LGSN: variants seen among roughly 807,000 people sequenced by gnomAD.
LGSN encodes the protein lengsin.
A neutral mutation model predicts 19.5 loss-of-function variants in LGSN; 21 were observed. That is an observed-to-expected ratio of 1.07 (90% CI 0.76 to 1.55). LGSN has a LOEUF of 1.55. Among genes scored for constraint, LGSN ranks in the 40% most tolerant of loss-of-function variants. The probability of loss-of-function intolerance (pLI) is 0.00; values close to 1 mark genes in which losing one functional copy is unlikely to be tolerated. For missense variants in LGSN, 673 were observed against 608.5 expected (o/e 1.11, Z -1.12); for synonymous variants, 257 against 215.6 (o/e 1.19, Z -1.68).
the LGSN span, among the ~76,000 whole-genome samples, chr6:63,485,193 T>C: frequency 2.0e-5 from 3 of 152,106 alleles, 1 homozygote; most frequent in South Asian, 6.2e-4. Context: ...TCCCACCCTC[T>C]ACCCTCCAAT....
chr6:63,498,917 T>C, the LGSN span, among the ~76,000 whole-genome samples: 3 of 152,240 alleles, frequency 2.0e-5, no homozygotes, highest in South Asian at 2.1e-4. Context: ...CATTTGGTAC[T>C]TACCTGAGCT....
At chr6:63,413,009 A>G in the LGSN span, among the ~76,000 whole-genome samples, 1 of 152,120 alleles carries the variant, frequency 6.6e-6, no homozygotes, top group Non-Finnish European at 1.5e-5. Flanking sequence ...TGATCATAAA[A>G]TCATGTGCTA....
chr6:63,468,402 A>G, the LGSN span, among the ~76,000 whole-genome samples: 1 of 152,048 alleles, frequency 6.6e-6, no homozygotes, highest in Non-Finnish European at 1.5e-5. Flanking sequence ...TGCTGGGATT[A>G]CAGGCATGAG....
the LGSN span, among the ~76,000 whole-genome samples, chr6:63,536,596 T>C: frequency 9.2e-5 from 14 of 152,212 alleles, no homozygotes; most frequent in African/African-American, 3.4e-4. Context: ...TGTTTTAAAA[T>C]TGATGTATGA....
chr6:63,510,817 G>A, the LGSN span, among the ~76,000 whole-genome samples: 4 of 151,812 alleles, frequency 2.6e-5, no homozygotes, highest in Non-Finnish European at 5.9e-5. Context: ...GGGACAACAG[G>A]CGCATGTCAC....
chr6:63,464,887 A>G, the LGSN span, among the ~76,000 whole-genome samples: 1 of 151,812 alleles, frequency 6.6e-6, no homozygotes, highest in Non-Finnish European at 1.5e-5. Flanking sequence ...GTAGCTAGGC[A>G]TGGTGGTGGG....
the LGSN span, among the ~76,000 whole-genome samples, chr6:63,468,427 CTATTTATG>C: frequency 6.6e-6 from 1 of 151,888 alleles, no homozygotes; most frequent in East Asian, 1.9e-4. Context: ...TGCGCCCAGC[CTATTTATG>C]TATTTATTTT....
chr6:63,415,546 A>G, the LGSN span, among the ~76,000 whole-genome samples: 1 of 152,188 alleles, frequency 6.6e-6, no homozygotes, highest in Non-Finnish European at 1.5e-5. Context: ...ATAAGAACTC[A>G]CTATCATGAG....
the LGSN span, among the ~76,000 whole-genome samples, chr6:63,432,790 A>T: frequency 1.1e-4 from 16 of 152,266 alleles, no homozygotes; most frequent in African/African-American, 3.9e-4. Context: ...AACCCAAAAG[A>T]TTACTGAATA....
the LGSN span, chr6:63,571,879 A>C: frequency 1.3e-5 from 2 of 152,238 alleles, no homozygotes; most frequent in African/African-American, 4.8e-5. Flanking sequence ...CCCCAGGGAC[A>C]AGAATTCATC....
At chr6:63,366,521 A>T in the LGSN span, among the ~76,000 whole-genome samples, 1 of 152,252 alleles carries the variant, frequency 6.6e-6, no homozygotes, top group Admixed American at 6.5e-5. Flanking sequence ...TGCCCAAGAT[A>T]ATTTATAGTT....
At chr6:63,526,860 G>T in the LGSN span, among the ~76,000 whole-genome samples, 39 of 136,714 alleles carry the variant, frequency 2.9e-4, 1 homozygote, top group African/African-American at 1.2e-3. Context: ...CTTCTTAAGG[G>T]CTTCCATAGG....
At chr6:63,427,330 C>T in the LGSN span, among the ~76,000 whole-genome samples, 1 of 152,114 alleles carries the variant, frequency 6.6e-6, no homozygotes, top group Non-Finnish European at 1.5e-5. Flanking sequence ...AGGCATAAGC[C>T]CCCATGCCCG....
the LGSN span, among the ~76,000 whole-genome samples, chr6:63,522,172 T>C: frequency 6.6e-6 from 1 of 152,226 alleles, no homozygotes; most frequent in Non-Finnish European, 1.5e-5. Context: ...TATATTTATG[T>C]TTTCTGATTT....
the LGSN span, among the ~76,000 whole-genome samples, chr6:63,537,437 G>A: frequency 2.6e-5 from 4 of 152,128 alleles, no homozygotes; most frequent in Non-Finnish European, 5.9e-5. Context: ...CCCAGGCTCA[G>A]ATCAATTAAA....
rs1438501856 is a variant in LGSN at position 63,276,103 on chromosome 6, C to T, written c.*3918G>A. On this transcript the variant is annotated 3_prime_UTR_variant, in exon 4 of 4. Coordinates refer to ENST00000370657, the MANE Select transcript of LGSN (RefSeq NM_016571.3). ...TAATGTTTAAAGACACAAATTCTTA[C>T]CCCTGTCATAGAAAACCCAAGGTTA... The T allele has an allele frequency of 6.6e-6, 1 of 152,128 alleles. No homozygotes were observed. Among genetic ancestry groups the T allele is most frequent in the Non-Finnish European group, 1.5e-5 (1 of 68,024 alleles). 9.4% of individuals were successfully genotyped at this position (152,128 alleles called of 1,614,324 possible). A position where few individuals can be genotyped will look rare whatever the true frequency, so the allele number is the denominator to read the frequency against.
chr6:63,394,470 G>A, the LGSN span, among the ~76,000 whole-genome samples: 4 of 152,124 alleles, frequency 2.6e-5, no homozygotes, highest in African/African-American at 9.7e-5. Context: ...AAGTTACTCT[G>A]TATGGTTTAA....
the LGSN span, among the ~76,000 whole-genome samples, chr6:63,330,617 T>C: frequency 6.6e-5 from 10 of 152,168 alleles, no homozygotes; most frequent in Admixed American, 4.6e-4. Context: ...GTGGACATCA[T>C]TGAATGGGCT....
chr6:63,279,886 CA>C lies in LGSN; in HGVS notation c.*134del, dbSNP rs1019568155. ...CTTCATCTGTCAAATATTCCATGGA[CA>C]AAAAAAAAAGTCAAAAGCATTCGTA... On this transcript the variant is annotated 3_prime_UTR_variant, in exon 4 of 4. Transcript: ENST00000370657. 8.2e-3 allele frequency: 5,693 copies of C among 696,492 alleles called. No individual in the cohort carries two copies. Among genetic ancestry groups the C allele is most frequent in the South Asian group, 9.1e-3 (417 of 45,694 alleles). 43.1% of individuals were successfully genotyped at this position (696,492 alleles called of 1,614,324 possible).
Sources: allele counts gnomAD v4.1 joint callset (sites outside exome capture counted in the v4.1 genomes callset), GRCh38; gene constraint gnomAD v4.1.1; transcripts MANE v1.5; gene names NCBI Gene and HGNC (gene_info 2026-07-23, HGNC 2026-07-21).